Variants in APC2 observed in about 807,000 individuals in gnomAD.
APC2 encodes the protein APC regulator of Wnt signaling pathway 2.
APC2 carries 41 observed loss-of-function variants against 72.5 expected under a neutral mutation model. The ratio of observed to expected loss-of-function variants is 0.57; its 90% CI spans 0.44 to 0.73. APC2 has a LOEUF of 0.73. Among genes scored for constraint, APC2 ranks in the 30% least tolerant of loss-of-function variants. The probability of loss-of-function intolerance (pLI) is 0.00; values close to 1 mark genes in which losing one functional copy is unlikely to be tolerated. For missense variants in APC2, 3,729 were observed against 3,403.4 expected, an observed-to-expected ratio of 1.10 and a Z score of -2.38; for synonymous variants, 1,898 against 1,612.0, an observed-to-expected ratio of 1.18 and a Z score of -4.25.
rs1438467678 is a variant in APC2 at position 1,472,776 on chromosome 19, G to A, written c.*2563G>A. 6.6e-6 allele frequency: 1 copy of A among 152,544 alleles called. No homozygotes were observed. The highest frequency in any genetic ancestry group is 1.5e-5 in the Non-Finnish European group (1 of 68,316). The allele number at this position is 152,544 out of a possible 1,614,324, so 9.4% of individuals were successfully genotyped here. A position where few individuals can be genotyped will look rare whatever the true frequency, so the allele number is the denominator to read the frequency against. ...CTCCCTCCCACCGCGGCCCCTGCCTGGCCACCTGGCCTCTCTGCACCAGGG... is the reference window on the plus strand; with the variant it reads ...CTCCCTCCCACCGCGGCCCCTGCCTAGCCACCTGGCCTCTCTGCACCAGGG... On this transcript the variant is annotated 3_prime_UTR_variant, in exon 15 of 15. Coordinates refer to ENST00000590469, the MANE Select transcript of APC2 (RefSeq NM_005883.3).
chr19:1,452,523 C>A lies in APC2; in HGVS notation c.-18-461C>A, dbSNP rs11671418. 0.036 allele frequency: 6,133 copies of A among 169,938 alleles called. 241 individuals carry two copies. The highest frequency in any genetic ancestry group is 0.047 in the Non-Finnish European group (3,691 of 78,590). 10.5% of individuals were successfully genotyped at this position (169,938 alleles called of 1,614,324 possible). On this transcript the variant is annotated intron_variant, in intron 1 of 14. Transcript: ENST00000590469. This position sits in a 1 kb window ranked among gnomAD's most constrained non-coding sequence, Gnocchi z 5.1. ...GGCTGTCAGCCTCTGGGCAGGCTTG[C>A]TTTTATGGGGGAGGGTCCTGTCTGT... is the stretch of plus-strand genomic sequence containing the variant.
At chr19:1,455,568 G>T in intron 6 of APC2, 68 bp downstream of exon 6, 1 of 1,435,620 alleles carries the variant, frequency 7.0e-7, no homozygotes, top group Non-Finnish European at 9.6e-7. Flanking sequence ...TCAGAGTGCA[G>T]ATATTATGGG....
chr19:1,467,731 C>T lies in APC2; in HGVS notation c.4430C>T (p.Ala1477Val). 1 of 1,433,790 alleles carries T rather than the reference C, an allele frequency of 7.0e-7. No individual in the cohort carries two copies. The highest frequency in any genetic ancestry group is 1.5e-5 in the South Asian group (1 of 68,524). The allele number at this position is 1,433,790 out of a possible 1,614,324, so 88.8% of individuals were successfully genotyped here. A position where few individuals can be genotyped will look rare whatever the true frequency, so the allele number is the denominator to read the frequency against. ...CTGGGCCGGCCCCCGAGCGCCCCCG[C>T]AGACAAGGACGGCTCAAAGCCCGGC... The part of the protein sequence containing the change: ...LPLGRPPSAP[A>V]DKDGSKPGRT... Residue 1477 changes from alanine (A) to valine (V), a missense_variant, in exon 15 of 15, where the codon GCA becomes GTA. Physicochemically the swap from Ala to Val is moderately conservative, Grantham distance 64 (BLOSUM62 0). Transcript: ENST00000590469.
At chr19:1,450,008 A>G (rs1267925318), upstream of APC2, 3 of 591,194 alleles carry the variant, frequency 5.1e-6, no homozygotes, top group African/African-American at 4.1e-5. Context: ...CCCGCGGCCG[A>G]CGCCGGTCCC....
chr19:1,462,189 C>A lies in APC2; in HGVS notation c.1853+12C>A, dbSNP rs201038034. ...CGTGAGGACTACAGGTCGGCCCCCA[C>A]CCCCCCACCCGCACACAGGCAGCTG... On this transcript the variant is annotated intron_variant, in intron 14 of 14. Coordinates refer to ENST00000590469, the MANE Select transcript of APC2 (RefSeq NM_005883.3). 1.3e-6 allele frequency: 2 copies of A among 1,522,392 alleles called. No individual in the cohort carries two copies. Among genetic ancestry groups the A allele is most frequent in the South Asian group, 1.2e-5 (1 of 80,882 alleles). 94.3% of individuals were successfully genotyped at this position (1,522,392 alleles called of 1,614,324 possible). A position where few individuals can be genotyped will look rare whatever the true frequency, so the allele number is the denominator to read the frequency against.
chr19:1,453,852 G>A (rs1028666370), intron 4 of APC2, among the ~76,000 whole-genome samples: 5 of 152,272 alleles, frequency 3.3e-5, no homozygotes, highest in Admixed American at 2.0e-4. Context: ...GATGGGGGAC[G>A]TTCCTGGCTG....
intron 4 of APC2, among the ~76,000 whole-genome samples, chr19:1,454,637 C>T (rs995822193): frequency 2.7e-5 from 4 of 149,464 alleles, no homozygotes; most frequent in Non-Finnish European, 5.9e-5. Flanking sequence ...GATCTCGGCT[C>T]ACTGCAAGCT....
In APC2 at chr19:1,467,955, T is replaced by TCCAAGGCTGCACCAGCTGCCCCGC. The variant is rs774153059; in HGVS notation, c.4656_4679dup (p.Lys1553_Pro1560dup). On this transcript the variant is annotated inframe_insertion, in exon 15 of 15. Coordinates refer to ENST00000590469, the MANE Select transcript of APC2 (RefSeq NM_005883.3). Reference sequence around the variant, plus strand: ...GGGCCGGAAGGAGGCCCCTGCCCCGTCCAAGGCTGCACCAGCTGCCCCGCC... The same window carrying TCCAAGGCTGCACCAGCTGCCCCGC: ...GGGCCGGAAGGAGGCCCCTGCCCCGTCCAAGGCTGCACCAGCTGCCCCGCCCAAGGCTGCACCAGCTGCCCCGCC... 1.9e-6 allele frequency: 3 copies of TCCAAGGCTGCACCAGCTGCCCCGC among 1,583,252 alleles called. No homozygotes were observed. The highest frequency in any genetic ancestry group is 2.6e-6 in the Non-Finnish European group (3 of 1,173,736).
At chr19:1,463,290 C>T (rs1176930750) in intron 14 of APC2, among the ~76,000 whole-genome samples, 4 of 150,608 alleles carry the variant, frequency 2.7e-5, no homozygotes, top group Non-Finnish European at 5.9e-5. Flanking sequence ...TGGTGGCGGG[C>T]ACCTGTGGTC....
In APC2 at chr19:1,465,195, C is replaced by G. The variant is rs2083987093; in HGVS notation, c.1894C>G (p.Gln632Glu). 1 of 1,608,316 alleles carries G rather than the reference C, an allele frequency of 6.2e-7. No individual in the cohort carries two copies. Among genetic ancestry groups the G allele is most frequent in the Non-Finnish European group, 8.5e-7 (1 of 1,178,312 alleles). The change falls in exon 15 of 15, where the codon CAG (glutamine) becomes GAG (glutamate). Residue 632 changes from glutamine (Q) to glutamate (E), a missense_variant. Transcript: ENST00000590469. ...RDHNCLQTLL[Q>E]HLTSHSLTIV... is the part of the protein sequence containing the mutation. ...TCACAACTGTCTGCAGACGCTGCTG[C>G]AGCATCTGACTTCGCACAGCCTGAC... is the stretch of plus-strand genomic sequence containing the variant.
upstream of APC2, among the ~76,000 whole-genome samples, chr19:1,448,181 C>T (rs4807928): frequency 0.28 from 42,934 of 151,852 alleles, 6,178 homozygotes; most frequent in Admixed American, 0.37. Context: ...CGCGCCCTAC[C>T]CCATGGCTCC....
At position 1,467,077 on chromosome 19, in the gene APC2, G is replaced by A. The variant is rs779456345; in HGVS notation, c.3776G>A (p.Gly1259Asp). ...RCRLPSELDA[G>D]SVRFTVEKPD... ...CGGCTGCCATCTGAGCTGGACGCAG[G>A]CAGCGTGCGCTTTACCGTGGAGAAG... Residue 1259 changes from glycine (G) to aspartate (D), a missense_variant, in exon 15 of 15, where the codon GGC (glycine) becomes GAC (aspartate). By Grantham distance (94) the Gly-to-Asp change is moderately conservative. Coordinates refer to ENST00000590469, the MANE Select transcript of APC2 (RefSeq NM_005883.3). The A allele has an allele frequency of 4.3e-6, 7 of 1,611,038 alleles. No individual in the cohort carries two copies. Among genetic ancestry groups the A allele is most frequent in the Non-Finnish European group, 5.9e-6 (7 of 1,179,326 alleles).
chr19:1,446,786 C>G (rs1325484471), upstream of APC2, among the ~76,000 whole-genome samples: 1 of 152,008 alleles, frequency 6.6e-6, no homozygotes, highest in Non-Finnish European at 1.5e-5. This position sits in a 1 kb window ranked among gnomAD's most constrained non-coding sequence, Gnocchi z 6.1. Flanking sequence ...CTTCTGGGCG[C>G]GAGCGTATGG....
In APC2 at chr19:1,467,365, T is replaced by G; in HGVS notation, c.4064T>G (p.Leu1355Arg). ...ECLGAAVPAR[L>R]RKVASALVPG... The stretch of plus-strand genomic sequence containing the variant: ...CTGGGAGCCGCCGTGCCTGCCCGGC[T>G]GCGCAAGGTGGCCTCCGCGCTGGTG... Residue 1355 changes from leucine (L) to arginine (R), a missense_variant, in exon 15 of 15, where the codon CTG becomes CGG. Transcript: ENST00000590469. 2.0e-6 allele frequency: 3 copies of G among 1,472,840 alleles called. No individual in the cohort carries two copies. The highest frequency in any genetic ancestry group is 2.7e-6 in the Non-Finnish European group (3 of 1,116,584). 91.2% of individuals were successfully genotyped at this position (1,472,840 alleles called of 1,614,324 possible). A position where few individuals can be genotyped will look rare whatever the true frequency, so the allele number is the denominator to read the frequency against.
At position 1,460,976 on chromosome 19, in the gene APC2, G is replaced by C. The variant is rs1002136881; in HGVS notation, c.1522-61G>C. On this transcript the variant is annotated intron_variant, in intron 12 of 14. Transcript: ENST00000590469. ...TCCGACTCTCTGCAGACTCACATTT[G>C]CTGGGGGGTTTGGGGGGCCTGGACC... 5.6e-6 allele frequency: 9 copies of C among 1,601,396 alleles called. No individual in the cohort carries two copies. The African/African-American group carries it at 8.0e-5, about 14-fold the overall frequency.
At chr19:1,463,416 C>CAA (rs77093731) in intron 14 of APC2, among the ~76,000 whole-genome samples, 9,729 of 98,416 alleles carry the variant, frequency 0.099, 1,400 homozygotes, top group African/African-American at 0.32. Flanking sequence ...GACTCTGTCT[C>CAA]AAAAAAAAAA....
intron 9 of APC2, 70 bp from the exon 10 acceptor site, chr19:1,457,895 C>CGGGTGGGGG (rs71174372): frequency 3.2e-6 from 4 of 1,233,430 alleles, no homozygotes; most frequent in East Asian, 5.5e-5. Context: ...GGGCGGGTTG[C>CGGGTGGGGG]GGGACCTTCG....
At chr19:1,458,278 G>A in intron 10 of APC2, 1 of 583,954 alleles carries the variant, frequency 1.7e-6, no homozygotes, top group South Asian at 2.0e-5. Flanking sequence ...TCCCGATCTG[G>A]TCTGAGGCTT....
At position 1,469,204 on chromosome 19, in the gene APC2, G is replaced by A. The variant is rs1432083435; in HGVS notation, c.5903G>A (p.Gly1968Asp). The change falls in exon 15 of 15, where the codon GGC becomes GAC. Residue 1968 changes from glycine to aspartate, a missense_variant. Coordinates refer to ENST00000590469, the MANE Select transcript of APC2 (RefSeq NM_005883.3). ...GAGGCGGGCCCGGGGGCGCGCGGGG[G>A]CCGCCTGGGCCTGGTGCGTGTGGCC... The part of the protein sequence containing the change: ...GTEAGPGARG[G>D]RLGLVRVASA... The A allele has an allele frequency of 2.3e-6, 3 of 1,315,252 alleles. No individual in the cohort carries two copies. Among genetic ancestry groups the A allele is most frequent in the South Asian group, 1.8e-5 (1 of 56,040 alleles). 81.5% of individuals were successfully genotyped at this position (1,315,252 alleles called of 1,614,324 possible).
Sources: allele counts gnomAD v4.1 joint callset (sites outside exome capture counted in the v4.1 genomes callset), GRCh38; gene constraint gnomAD v4.1.1; non-coding constraint Gnocchi (gnomAD v3.1); transcripts MANE v1.5; gene names NCBI Gene and HGNC (gene_info 2026-07-23, HGNC 2026-07-21).